UCK1: variants seen among roughly 807,000 people sequenced by gnomAD.
The protein encoded by UCK1 is cytidine monophosphokinase 1.
UCK1 carries 20 observed loss-of-function variants against 34.0 expected under a neutral mutation model. The ratio of observed to expected loss-of-function variants is 0.59; its 90% CI spans 0.41 to 0.86. The LOEUF is 0.86. Ranked by LOEUF, UCK1 falls within the 40% of genes least tolerant of loss-of-function variation. The probability of loss-of-function intolerance (pLI) is 0.00; values close to 1 mark genes in which losing one functional copy is unlikely to be tolerated. For missense variants in UCK1, 343 were observed against 383.6 expected, an observed-to-expected ratio of 0.89 and a Z score of 0.88; for synonymous variants, 168 against 155.9, an observed-to-expected ratio of 1.08 and a Z score of -0.58.
chr9:131,531,142 G>A lies in UCK1; in HGVS notation c.33C>T (p.Ser11=). MASAGGEDCE[S]PAPEADRPHQ... ...GCGGACGGTCGGCCTCCGGCGCGGG[G>A]CTCTCGCAGTCTTCGCCTCCCGCCG... Residue 11 remains serine (S), a synonymous_variant, in exon 1 of 7, where the codon AGC becomes AGT. Transcript: ENST00000372215. 2 of 1,446,906 alleles carry A rather than the reference G, an allele frequency of 1.4e-6. No homozygotes were observed. The highest frequency in any genetic ancestry group is 2.7e-5 in the Admixed American group (1 of 37,276). 89.6% of individuals were successfully genotyped at this position (1,446,906 alleles called of 1,614,324 possible). A position where few individuals can be genotyped will look rare whatever the true frequency, so the allele number is the denominator to read the frequency against.
rs1000387978 is a variant in UCK1, at chr9:131,528,852, C to T, written c.603+92G>A. 10 of 1,470,824 alleles carry T rather than the reference C, an allele frequency of 6.8e-6. No homozygotes were observed. The African/African-American group carries it at 1.1e-4, about 16-fold the overall frequency. 91.1% of individuals were successfully genotyped at this position (1,470,824 alleles called of 1,614,324 possible). On this transcript the variant is annotated intron_variant, in intron 5 of 6. Coordinates refer to ENST00000372215, the MANE Select transcript of UCK1 (RefSeq NM_031432.5). ...CTTCTCCTTTTTTTCAATCAGATCACTGTCACCCAGCACTAAGCCCTCTCA... is the reference window on the plus strand; with the variant it reads ...CTTCTCCTTTTTTTCAATCAGATCATTGTCACCCAGCACTAAGCCCTCTCA...
intron 5 of UCK1, chr9:131,526,608 A>G (rs1474089866): frequency 9.4e-6 from 9 of 953,620 alleles, no homozygotes; most frequent in Non-Finnish European, 1.3e-5. Context: ...AGGGAAGGGG[A>G]AGCAGCCTGG....
chr9:131,526,558 AG>A (rs1950611194), intron 5 of UCK1: 1 of 1,267,984 alleles, frequency 7.9e-7, no homozygotes, highest in Admixed American at 2.3e-5. Flanking sequence ...GCTGCTGGGG[AG>A]GGTCCGCAGC....
At position 131,523,989 on chromosome 9, in the gene UCK1, T is replaced by C. The variant is rs1210666244; in HGVS notation, c.*1051A>G. ...TGCCCATGGCAGCGGCAAGGGATGC[T>C]TTCCAGAGACAGCCACCACGCAGGA... On this transcript the variant is annotated 3_prime_UTR_variant, in exon 7 of 7. Transcript: ENST00000372215. The C allele has an allele frequency of 6.6e-6, 1 of 152,364 alleles. No homozygotes were observed. The highest frequency in any genetic ancestry group is 1.9e-4 in the East Asian group (1 of 5,206). The allele number at this position is 152,364 out of a possible 1,614,324, so 9.4% of individuals were successfully genotyped here.
chr9:131,525,348 G>T, intron 6 of UCK1, 127 bp from the exon 7 acceptor site: 2 of 1,133,782 alleles, frequency 1.8e-6, no homozygotes, highest in Non-Finnish European at 2.5e-6. Context: ...TGCGGCGAGG[G>T]GCATCGAGTC....
chr9:131,528,518 C>T (rs919410950), intron 5 of UCK1, among the ~76,000 whole-genome samples: 10 of 152,292 alleles, frequency 6.6e-5, no homozygotes, highest in South Asian at 2.1e-4. Flanking sequence ...GGCCAGATCC[C>T]GGCCTTGGCA....
chr9:131,528,788 G>T, intron 5 of UCK1, 156 bp downstream of exon 5: 1 of 846,778 alleles, frequency 1.2e-6, no homozygotes, highest in Non-Finnish European at 1.8e-6. Flanking sequence ...TTACAGCTGA[G>T]AACTACTCCC....
rs779442209 is a variant in UCK1, at chr9:131,531,219, C to T, written c.-45G>A. The T allele has an allele frequency of 9.0e-6, 12 of 1,334,756 alleles. No individual in the cohort carries two copies. The highest frequency in any genetic ancestry group is 1.5e-5 in the African/African-American group (1 of 64,742). 82.7% of individuals were successfully genotyped at this position (1,334,756 alleles called of 1,614,324 possible). A position where few individuals can be genotyped will look rare whatever the true frequency, so the allele number is the denominator to read the frequency against. On this transcript the variant is annotated 5_prime_UTR_variant, in exon 1 of 7. Coordinates refer to ENST00000372215, the MANE Select transcript of UCK1 (RefSeq NM_031432.5). ...CATCGGGTCCCCGCGCCCGCCCCTT[C>T]CCCAGGCCCGGCGCGCCCGCCCAGC...
Position 131,524,940 on chromosome 9 carries a change from G to A in UCK1, c.*100C>T. ...GCCTCGCTGCTAACACTCCCCTGGG[G>A]TGCGCCGAGAGGAAGCAGTGGGTGT... On this transcript the variant is annotated 3_prime_UTR_variant, in exon 7 of 7. Coordinates refer to ENST00000372215, the MANE Select transcript of UCK1 (RefSeq NM_031432.5). 1 of 1,421,720 alleles carries A rather than the reference G, an allele frequency of 7.0e-7. No homozygotes were observed. Among genetic ancestry groups the A allele is most frequent in the Non-Finnish European group, 9.5e-7 (1 of 1,052,480 alleles). 88.1% of individuals were successfully genotyped at this position (1,421,720 alleles called of 1,614,324 possible). A position where few individuals can be genotyped will look rare whatever the true frequency, so the allele number is the denominator to read the frequency against.
intron 2 of UCK1, among the ~76,000 whole-genome samples, chr9:131,530,198 G>A (rs1179899455): frequency 1.3e-5 from 2 of 152,224 alleles, no homozygotes; most frequent in Non-Finnish European, 2.9e-5. Context: ...AAGATGGGAG[G>A]ATTTCTCCAG....
In UCK1 at chr9:131,524,944, G is replaced by T; in HGVS notation, c.*96C>A. 6.9e-7 allele frequency: 1 copy of T among 1,443,528 alleles called. No homozygotes were observed. 89.4% of individuals were successfully genotyped at this position (1,443,528 alleles called of 1,614,324 possible). A position where few individuals can be genotyped will look rare whatever the true frequency, so the allele number is the denominator to read the frequency against. ...CGCTGCTAACACTCCCCTGGGGTGCGCCGAGAGGAAGCAGTGGGTGTGGGT... is the reference window on the plus strand; with the variant it reads ...CGCTGCTAACACTCCCCTGGGGTGCTCCGAGAGGAAGCAGTGGGTGTGGGT... On this transcript the variant is annotated 3_prime_UTR_variant, in exon 7 of 7. Transcript: ENST00000372215.
At chr9:131,530,425 C>A in intron 2 of UCK1, 61 bp downstream of exon 2, 1 of 1,597,910 alleles carries the variant, frequency 6.3e-7, no homozygotes. Context: ...CCAAGCGCAG[C>A]TGGTTAGCGG....
chr9:131,529,763 C>T (rs1181464250), intron 2 of UCK1, among the ~76,000 whole-genome samples, 179 bp from the exon 3 acceptor site: 1 of 152,084 alleles, frequency 6.6e-6, no homozygotes, highest in African/African-American at 2.4e-5. Flanking sequence ...TGCAGCCCTG[C>T]AGACCACAGG....
chr9:131,525,259 T>C (rs771550495), intron 6 of UCK1, 38 bp from the exon 7 acceptor site: 1 of 1,611,674 alleles, frequency 6.2e-7, no homozygotes, highest in Admixed American at 1.7e-5. Context: ...GTTAGCCGCA[T>C]CCATCCTCCG....
In UCK1 at chr9:131,530,474, C is replaced by T. The variant is rs751774217; in HGVS notation, c.268+12G>A. On this transcript the variant is annotated intron_variant, in intron 2 of 6. Coordinates refer to ENST00000372215, the MANE Select transcript of UCK1 (RefSeq NM_031432.5). Reference sequence around the variant, plus strand: ...GGTCTGCCCTCCCCACATCGTTGGGCTCGCGATTTACCTGGATGGTCAAAA... The same window carrying T: ...GGTCTGCCCTCCCCACATCGTTGGGTTCGCGATTTACCTGGATGGTCAAAA... The T allele has an allele frequency of 1.9e-6, 3 of 1,613,502 alleles. No homozygotes were observed. Among genetic ancestry groups the T allele is most frequent in the Non-Finnish European group, 2.5e-6 (3 of 1,179,420 alleles).
chr9:131,525,992 G>T lies in UCK1; in HGVS notation c.604-15C>A, dbSNP rs369633286. On this transcript the variant is annotated splice_polypyrimidine_tract_variant and intron_variant, in intron 5 of 6. Transcript: ENST00000372215. ...TACTTCTTTGTCTGTAAGGCACAAG[G>T]GGGGGTGTTCCTGTGAGGACTTTTC... The T allele has an allele frequency of 3.1e-6, 5 of 1,613,826 alleles. No individual in the cohort carries two copies. The highest frequency in any genetic ancestry group is 2.2e-5 in the South Asian group (2 of 91,072).
intron 5 of UCK1, among the ~76,000 whole-genome samples, chr9:131,528,500 C>G (rs957806758): frequency 1.3e-5 from 2 of 152,206 alleles, no homozygotes; most frequent in Admixed American, 6.5e-5. Flanking sequence ...TCTGAAGCAC[C>G]TTCTGAGGGC....
rs376866925 is a variant in UCK1 at position 131,528,901 on chromosome 9, T to C, written c.603+43A>G. ...CACAGTACTGGGTCCCATGTGTCCTTGTGAAAGGGGAAAATGGGCTCTGAA... is the reference window on the plus strand; with the variant it reads ...CACAGTACTGGGTCCCATGTGTCCTCGTGAAAGGGGAAAATGGGCTCTGAA... On this transcript the variant is annotated intron_variant, in intron 5 of 6. Coordinates refer to ENST00000372215, the MANE Select transcript of UCK1 (RefSeq NM_031432.5). 5 of 1,607,666 alleles carry C rather than the reference T, an allele frequency of 3.1e-6. No homozygotes were observed. The South Asian group carries it at 3.3e-5, about 11-fold the overall frequency.
intron 5 of UCK1, chr9:131,526,573 A>G: frequency 8.3e-7 from 1 of 1,208,742 alleles, no homozygotes; most frequent in Non-Finnish European, 1.1e-6. Flanking sequence ...CCGCAGCCAG[A>G]TGGTGGGGGT....
Sources: gnomAD v4.1 joint callset for allele counts (sites outside exome capture counted in the v4.1 genomes callset) on GRCh38, gnomAD v4.1.1 for gene constraint, MANE v1.5 for transcripts, NCBI Gene and HGNC (gene_info 2026-07-23, HGNC 2026-07-21) for gene names.